TMEM120B: variants seen among roughly 807,000 people sequenced by gnomAD.
TMEM120B encodes transmembrane protein 120B.
A neutral mutation model predicts 55.5 loss-of-function variants in TMEM120B; 31 were observed. That is an observed-to-expected ratio of 0.56 (90% CI 0.42 to 0.75). The LOEUF is 0.75. Ranked by LOEUF, TMEM120B falls within the 30% of genes least tolerant of loss-of-function variation. TMEM120B has a pLI of 0.00. For missense variants in TMEM120B, 399 were observed against 425.5 expected (o/e 0.94, Z 0.55); for synonymous variants, 203 against 176.3 (o/e 1.15, Z -1.20).
rs1414728258 is a variant in TMEM120B at position 121,750,470 on chromosome 12, A to G, written c.365+31A>G. ...TGTCCCCCACCCACCACCCAGACCC[A>G]CACCTCACACCGCCCCCACACCCAC... On this transcript the variant is annotated intron_variant, in intron 4 of 11. Coordinates refer to ENST00000449592, the MANE Select transcript of TMEM120B (RefSeq NM_001080825.2). 2.6e-6 allele frequency: 4 copies of G among 1,512,210 alleles called. No individual in the cohort carries two copies. The Admixed American group carries it at 7.2e-5, about 27-fold the overall frequency. 93.7% of individuals were successfully genotyped at this position (1,512,210 alleles called of 1,614,324 possible).
chr12:121,730,728 C>T (rs1219571071), intron 1 of TMEM120B, among the ~76,000 whole-genome samples: 5 of 150,104 alleles, frequency 3.3e-5, no homozygotes, highest in East Asian at 3.9e-4. Flanking sequence ...GAGGCTGAGG[C>T]GGGTGGATCA....
At chr12:121,749,094 G>A (rs765112665) in intron 3 of TMEM120B, among the ~76,000 whole-genome samples, 19 of 152,062 alleles carry the variant, frequency 1.2e-4, no homozygotes, top group Non-Finnish European at 2.1e-4. Context: ...GATCAGCCTC[G>A]CGCTGAGTCA....
chr12:121,735,971 G>T (rs751366704), intron 1 of TMEM120B, among the ~76,000 whole-genome samples: 4 of 151,636 alleles, frequency 2.6e-5, no homozygotes, highest in Non-Finnish European at 1.5e-5. Flanking sequence ...ATTACAGTGC[G>T]CCTGGCCATA....
chr12:121,726,278 G>A (rs972767053), intron 1 of TMEM120B, among the ~76,000 whole-genome samples: 2 of 151,804 alleles, frequency 1.3e-5, no homozygotes, highest in Non-Finnish European at 2.9e-5. Flanking sequence ...TATCAATGAA[G>A]TTGTTAAAAA....
Position 121,712,879 on chromosome 12 carries a change from C to G in TMEM120B, c.-17C>G, listed in dbSNP as rs1428228293. On this transcript the variant is annotated 5_prime_UTR_variant, in exon 1 of 12. Coordinates refer to ENST00000449592, the MANE Select transcript of TMEM120B (RefSeq NM_001080825.2). ...GCGGGAGCAGCCGCCGGCACCGCCG[C>G]CTTGCACCATCGCATCATGTCCGGG... 6.6e-7 allele frequency: 1 copy of G among 1,513,478 alleles called. No individual in the cohort carries two copies. The highest frequency in any genetic ancestry group is 8.8e-7 in the Non-Finnish European group (1 of 1,136,502). The allele number at this position is 1,513,478 out of a possible 1,614,324, so 93.8% of individuals were successfully genotyped here. A position where few individuals can be genotyped will look rare whatever the true frequency, so the allele number is the denominator to read the frequency against.
chr12:121,722,288 G>A (rs1002349073), intron 1 of TMEM120B, among the ~76,000 whole-genome samples: 2 of 151,856 alleles, frequency 1.3e-5, no homozygotes, highest in East Asian at 1.9e-4. Context: ...TAGTAGATAC[G>A]GGGTTTTACC....
Position 121,725,898 on chromosome 12 carries a change from G to A in TMEM120B, c.69+12934G>A, listed in dbSNP as rs576188789. ...CTATAAATACAAGAATTAGCCGGGT[G>A]TGGTGATGCGTACCTGTAGTCCCAG... On this transcript the variant is annotated intron_variant, in intron 1 of 11. Transcript: ENST00000449592. Among the ~76,000 whole-genome samples the A allele has an allele frequency of 3.3e-5, 5 of 152,096 alleles. No individual in the cohort carries two copies. The East Asian group carries it at 9.7e-4, about 29-fold the overall frequency.
intron 5 of TMEM120B, chr12:121,758,170 G>T (rs1446781062): frequency 4.1e-6 from 4 of 985,340 alleles, no homozygotes; most frequent in Admixed American, 1.2e-4. Flanking sequence ...CAGTGGTGGG[G>T]AAGCCCTCAG....
intron 6 of TMEM120B, among the ~76,000 whole-genome samples, chr12:121,769,843 A>G (rs1319521083): frequency 6.6e-6 from 1 of 152,094 alleles, no homozygotes; most frequent in Non-Finnish European, 1.5e-5. Context: ...TCTAGAGGTG[A>G]CATAGGGGTG....
chr12:121,771,450 G>A, intron 7 of TMEM120B, 38 bp from the exon 8 acceptor site: 3 of 1,575,062 alleles, frequency 1.9e-6, no homozygotes, highest in Non-Finnish European at 2.6e-6. Context: ...TCATTTCATA[G>A]TGGGCCCCAC....
rs180799626 is a variant in TMEM120B, at chr12:121,771,575, G to A, written c.679+26G>A. ...GTGAGTGACTGTTGCCTGGATTTGG[G>A]GGAAGGGACATGGTTTTCTGAGACT... On this transcript the variant is annotated intron_variant, in intron 8 of 11. Coordinates refer to ENST00000449592, the MANE Select transcript of TMEM120B (RefSeq NM_001080825.2). 1.4e-4 allele frequency: 225 copies of A among 1,608,890 alleles called. No individual in the cohort carries two copies. The African/African-American group carries it at 2.8e-3, about 20-fold the overall frequency.
chr12:121,750,771 C>T (rs1487117173), intron 4 of TMEM120B, among the ~76,000 whole-genome samples: 1 of 143,386 alleles, frequency 7.0e-6, no homozygotes, highest in Non-Finnish European at 1.5e-5. Flanking sequence ...CACTCACACT[C>T]CACACCTTAC....
intron 1 of TMEM120B, among the ~76,000 whole-genome samples, chr12:121,723,795 C>T (rs1894840084): frequency 6.6e-6 from 1 of 152,030 alleles, no homozygotes. Context: ...TCTGTGTGTA[C>T]TATTCCTTCT....
intron 1 of TMEM120B, among the ~76,000 whole-genome samples, chr12:121,729,115 G>A (rs573196768): frequency 1.2e-4 from 18 of 152,270 alleles, no homozygotes; most frequent in African/African-American, 2.9e-4. Flanking sequence ...GATGGGTACC[G>A]CAAAAAACTA....
intron 1 of TMEM120B, among the ~76,000 whole-genome samples, chr12:121,723,214 C>G (rs1404352455): frequency 2.0e-5 from 3 of 152,078 alleles, no homozygotes; most frequent in African/African-American, 4.8e-5. Flanking sequence ...ATCGTTCAGG[C>G]TGAAGTGCAG....
chr12:121,779,785 T>A lies in TMEM120B; in HGVS notation c.*4063T>A, dbSNP rs1455845356. The A allele has an allele frequency of 9.9e-7, 1 of 1,006,582 alleles. No homozygotes were observed. Among genetic ancestry groups the A allele is most frequent in the Non-Finnish European group, 1.5e-6 (1 of 685,004 alleles). The allele number at this position is 1,006,582 out of a possible 1,614,324, so 62.4% of individuals were successfully genotyped here. On this transcript the variant is annotated 3_prime_UTR_variant, in exon 12 of 12. Coordinates refer to ENST00000449592, the MANE Select transcript of TMEM120B (RefSeq NM_001080825.2). The stretch of plus-strand genomic sequence containing the variant: ...ATGGAGGCCTTGGTTTGGGCCTGTC[T>A]GTCTCCTCCATCCTGGCTGCCCCTC...
Position 121,752,124 on chromosome 12 carries a change from G to T in TMEM120B, c.366-4G>T, listed in dbSNP as rs199718603. The T allele has an allele frequency of 6.2e-7, 1 of 1,612,794 alleles. No individual in the cohort carries two copies. The highest frequency in any genetic ancestry group is 8.5e-7 in the Non-Finnish European group (1 of 1,179,520). The stretch of plus-strand genomic sequence containing the variant: ...CACACCCCTGGGCGTGTCTGTCGTG[G>T]CAGGTTCGCCTACAAGGACGAATAT... On this transcript the variant is annotated splice_region_variant and splice_polypyrimidine_tract_variant and intron_variant, in intron 4 of 11. Transcript: ENST00000449592.
intron 1 of TMEM120B, among the ~76,000 whole-genome samples, chr12:121,737,430 A>T (rs372345497): frequency 1.3e-5 from 2 of 151,828 alleles, no homozygotes; most frequent in Non-Finnish European, 1.5e-5. Flanking sequence ...ACTTGAACCT[A>T]GGAGGCGGAG....
At chr12:121,768,442 C>T (rs1356327150) in intron 6 of TMEM120B, among the ~76,000 whole-genome samples, 5 of 152,138 alleles carry the variant, frequency 3.3e-5, no homozygotes, top group East Asian at 3.8e-4. Context: ...TTGCATGGGC[C>T]GTCAAGGGAA....
Sources: gnomAD v4.1 joint callset for allele counts (sites outside exome capture counted in the v4.1 genomes callset) on GRCh38, gnomAD v4.1.1 for gene constraint, MANE v1.5 for transcripts, NCBI Gene and HGNC (gene_info 2026-07-23, HGNC 2026-07-21) for gene names.